EPHA6: variants seen among roughly 807,000 people sequenced by gnomAD.
EPHA6 encodes the protein ephrin type-A receptor 6.
In EPHA6, 50 loss-of-function variants were observed where a neutral mutation model predicts 112.0. The observed-to-expected ratio is 0.45, with a 90% CI of 0.36 to 0.56. The LOEUF (loss-of-function observed/expected upper bound fraction) is 0.56. Among genes scored for constraint, EPHA6 ranks in the 20% least tolerant of loss-of-function variants. The pLI, the probability that EPHA6 is intolerant of heterozygous loss-of-function variation, is 0.00. For missense variants in EPHA6, 1,280 were observed against 1,417.4 expected (o/e 0.90, Z 1.56); for synonymous variants, 529 against 490.7 (o/e 1.08, Z -1.03).
At chr3:97,458,094 G>C (rs1201249544) in intron 7 of EPHA6, among the ~76,000 whole-genome samples, 2 of 63,880 alleles carry the variant, frequency 3.1e-5, no homozygotes, top group African/African-American at 1.0e-4. Flanking sequence ...AAAAAAAAAA[G>C]CAGCTTAAGT....
chr3:97,531,606 GTTTAA>G (rs1195301595), intron 10 of EPHA6, among the ~76,000 whole-genome samples: 1 of 151,976 alleles, frequency 6.6e-6, no homozygotes. Context: ...GTTCTTAAAT[GTTTAA>G]TTTATGTGCA....
intron 3 of EPHA6, among the ~76,000 whole-genome samples, chr3:97,210,899 G>A (rs1021676601): frequency 1.6e-4 from 25 of 152,126 alleles, no homozygotes; most frequent in African/African-American, 5.6e-4. Flanking sequence ...TCACTTGTCC[G>A]GCAAATTGGT....
chr3:97,566,387 T>C (rs1157601507), intron 11 of EPHA6, among the ~76,000 whole-genome samples: 4 of 152,192 alleles, frequency 2.6e-5, no homozygotes, highest in African/African-American at 9.6e-5. Context: ...ACTATATCAG[T>C]ACTCAACCTA....
intron 5 of EPHA6, among the ~76,000 whole-genome samples, chr3:97,275,353 A>G (rs866507713): frequency 2.0e-4 from 30 of 152,218 alleles, no homozygotes; most frequent in Non-Finnish European, 2.6e-4. Flanking sequence ...GCCTCGTGGC[A>G]GTACAGCCCA....
intron 14 of EPHA6, among the ~76,000 whole-genome samples, chr3:97,717,095 G>A (rs1162039628): frequency 6.6e-6 from 1 of 151,906 alleles, no homozygotes; most frequent in African/African-American, 2.4e-5. Context: ...GCTGGGCGTG[G>A]TGGCAGGTGA....
intron 6 of EPHA6, among the ~76,000 whole-genome samples, chr3:97,415,023 A>G (rs1243845069): frequency 6.6e-6 from 1 of 152,020 alleles, no homozygotes; most frequent in African/African-American, 2.4e-5. Context: ...CTCTGGGGAA[A>G]ACAGAGTAAC....
intron 5 of EPHA6, among the ~76,000 whole-genome samples, chr3:97,262,333 A>G (rs902237165): frequency 2.4e-4 from 36 of 152,168 alleles, no homozygotes; most frequent in African/African-American, 8.4e-4. Flanking sequence ...TTCTTTCATT[A>G]TATTTGATCT....
intron 1 of EPHA6, among the ~76,000 whole-genome samples, chr3:96,859,010 A>C (rs2107415166): frequency 6.6e-6 from 1 of 152,246 alleles, no homozygotes; most frequent in African/African-American, 2.4e-5. Flanking sequence ...TAGCCGTTTA[A>C]ATTTTATCCA....
intron 3 of EPHA6, among the ~76,000 whole-genome samples, chr3:97,047,517 A>G (rs958433690): frequency 1.5e-4 from 23 of 150,696 alleles, no homozygotes; most frequent in Non-Finnish European, 2.8e-4. Flanking sequence ...AAAAAAAAAA[A>G]AAAAGAAACC....
intron 3 of EPHA6, among the ~76,000 whole-genome samples, chr3:97,046,753 T>G (rs1294598913): frequency 6.6e-6 from 1 of 152,084 alleles, no homozygotes; most frequent in Non-Finnish European, 1.5e-5. Flanking sequence ...GAAAATTCCA[T>G]TTAATAATAT....
At chr3:97,646,454 A>C in intron 14 of EPHA6, 1 of 665,402 alleles carries the variant, frequency 1.5e-6, no homozygotes, top group Non-Finnish European at 2.3e-6. Context: ...TTCTTCTTCA[A>C]CTTGAGTGTT....
intron 2 of EPHA6, among the ~76,000 whole-genome samples, chr3:96,918,529 T>G (rs2039598270): frequency 6.6e-6 from 1 of 151,892 alleles, no homozygotes; most frequent in Non-Finnish European, 1.5e-5. Context: ...GAGATAGGAG[T>G]AGGGAATGCA....
rs2036021336 is a variant in EPHA6, at chr3:97,756,187, C to T, written c.*7486C>T. Among the ~76,000 whole-genome samples the T allele has an allele frequency of 6.6e-6, 1 of 151,908 alleles. No individual in the cohort carries two copies. Among genetic ancestry groups the T allele is most frequent in the Non-Finnish European group, 1.5e-5 (1 of 67,822 alleles). On this transcript the variant is annotated 3_prime_UTR_variant, in exon 18 of 18. Coordinates refer to ENST00000389672, the MANE Select transcript of EPHA6 (RefSeq NM_001080448.3). ...AAGTCATGAGGAAGTTTTTCTTTGA[C>T]TGTGCATGCTTTATTTATTACCATA...
At chr3:97,325,855 T>G (rs1263590202) in intron 5 of EPHA6, among the ~76,000 whole-genome samples, 3 of 152,238 alleles carry the variant, frequency 2.0e-5, no homozygotes, top group African/African-American at 7.2e-5. Flanking sequence ...ATTTCATTAT[T>G]TTATTATGTT....
At chr3:97,612,149 T>A (rs1027278223) in intron 13 of EPHA6, among the ~76,000 whole-genome samples, 2 of 152,054 alleles carry the variant, frequency 1.3e-5, no homozygotes, top group Non-Finnish European at 2.9e-5. Flanking sequence ...TTTTATAGCT[T>A]GTGTTCATTT....
chr3:97,212,229 T>C (rs1312066785), intron 3 of EPHA6, among the ~76,000 whole-genome samples: 3 of 152,162 alleles, frequency 2.0e-5, no homozygotes, highest in Non-Finnish European at 4.4e-5. Context: ...AATCTGATTA[T>C]AGATTCACTG....
chr3:97,543,822 G>C (rs548550799), intron 11 of EPHA6, among the ~76,000 whole-genome samples: 12 of 152,218 alleles, frequency 7.9e-5, no homozygotes, highest in Admixed American at 7.2e-4. Context: ...TCCCTTGTGA[G>C]TTGGATTCCT....
At chr3:97,365,648 A>G (rs113347889) in intron 5 of EPHA6, among the ~76,000 whole-genome samples, 3,851 of 152,240 alleles carry the variant, frequency 0.025, 155 homozygotes, top group African/African-American at 0.083. Context: ...TCGGCCTCCT[A>G]AAGTGCTGGG....
At chr3:97,018,116 C>T (rs1460194725) in intron 3 of EPHA6, among the ~76,000 whole-genome samples, 1 of 151,538 alleles carries the variant, frequency 6.6e-6, no homozygotes, top group Non-Finnish European at 1.5e-5. Flanking sequence ...TTTTTCAGCT[C>T]CAGAATTTCT....
Sources: allele counts gnomAD v4.1 joint callset (sites outside exome capture counted in the v4.1 genomes callset), GRCh38; gene constraint gnomAD v4.1.1; transcripts MANE v1.5; gene names NCBI Gene and HGNC (gene_info 2026-07-23, HGNC 2026-07-21).